PLEKHM3: variants seen among roughly 807,000 people sequenced by gnomAD.
PLEKHM3 encodes pleckstrin homology domain containing M3.
In PLEKHM3, 45 loss-of-function variants were observed where a neutral mutation model predicts 81.8. That is an observed-to-expected ratio of 0.55 (90% CI 0.43 to 0.71). The LOEUF (loss-of-function observed/expected upper bound fraction) is 0.71. Ranked by LOEUF, PLEKHM3 falls within the 30% of genes least tolerant of loss-of-function variation. PLEKHM3 has a pLI of 0.00. For synonymous variants in PLEKHM3, 352 were observed against 356.4 expected, an observed-to-expected ratio of 0.99 and a Z score of 0.14; for missense variants, 788 against 924.3, an observed-to-expected ratio of 0.85 and a Z score of 1.91.
At chr2:207,849,862 A>G (rs183148981) in intron 7 of PLEKHM3, among the ~76,000 whole-genome samples, 16 of 152,356 alleles carry the variant, frequency 1.1e-4, no homozygotes, top group Admixed American at 6.5e-4. Flanking sequence ...AACAGTAAGT[A>G]TTTATGTAAC....
intron 6 of PLEKHM3, among the ~76,000 whole-genome samples, chr2:207,875,109 AT>A (rs1179670632): frequency 1.3e-5 from 2 of 152,050 alleles, no homozygotes; most frequent in Non-Finnish European, 2.9e-5. Context: ...TCAATATAAA[AT>A]ATCATTTAAA....
chr2:207,882,805 C>G (rs1240972863), intron 6 of PLEKHM3, among the ~76,000 whole-genome samples: 1 of 152,076 alleles, frequency 6.6e-6, no homozygotes, highest in Non-Finnish European at 1.5e-5. Context: ...CATTCTCAGC[C>G]AGTAATTACA....
chr2:207,966,763 C>T (rs1342832378), intron 3 of PLEKHM3, among the ~76,000 whole-genome samples: 1 of 151,994 alleles, frequency 6.6e-6, no homozygotes, highest in Non-Finnish European at 1.5e-5. Context: ...CCATGTTGGC[C>T]GGGCTGGTCT....
At chr2:207,928,375 AG>A (rs1689476842) in intron 5 of PLEKHM3, among the ~76,000 whole-genome samples, 1 of 152,262 alleles carries the variant, frequency 6.6e-6, no homozygotes, top group South Asian at 2.1e-4. Flanking sequence ...GCAGGAAAAG[AG>A]GATTAATTCT....
chr2:207,836,948 G>A (rs2092322550), intron 7 of PLEKHM3, among the ~76,000 whole-genome samples: 1 of 152,212 alleles, frequency 6.6e-6, no homozygotes, highest in African/African-American at 2.4e-5. Context: ...ATGGGGTGGG[G>A]CTCAGAAATA....
At position 207,846,069 on chromosome 2, in the gene PLEKHM3, G is replaced by A. The variant is rs148504776; in HGVS notation, c.2108+15036C>T. ...CCTGGTATGAAGGTCCAGCAGAGTG[G>A]TGGCTTGTCAAAGGTCACACAAATT... On this transcript the variant is annotated intron_variant, in intron 7 of 7. Transcript: ENST00000427836. Among the ~76,000 whole-genome samples the A allele has an allele frequency of 5.6e-4, 85 of 152,340 alleles. 1 individual carries two copies. Among genetic ancestry groups the A allele is most frequent in the African/African-American group, 1.6e-3 (68 of 41,576 alleles).
At chr2:208,008,639 A>T (rs993684714) in intron 1 of PLEKHM3, among the ~76,000 whole-genome samples, 6 of 152,140 alleles carry the variant, frequency 3.9e-5, no homozygotes, top group Non-Finnish European at 8.8e-5. Flanking sequence ...CCTCCTTGTT[A>T]CACAGCCATT....
intron 5 of PLEKHM3, among the ~76,000 whole-genome samples, chr2:207,924,663 T>C (rs1378495631): frequency 6.6e-6 from 1 of 151,966 alleles, no homozygotes. Flanking sequence ...CCAACCTGGG[T>C]GACAGAGAGA....
At chr2:207,849,190 C>T (rs1330178797) in intron 7 of PLEKHM3, among the ~76,000 whole-genome samples, 2 of 151,998 alleles carry the variant, frequency 1.3e-5, no homozygotes, top group African/African-American at 4.8e-5. Flanking sequence ...AAAAACTAGC[C>T]GGGCATGGTG....
intron 6 of PLEKHM3, among the ~76,000 whole-genome samples, chr2:207,878,346 C>T (rs1466041743): frequency 3.3e-5 from 5 of 152,094 alleles, no homozygotes; most frequent in East Asian, 1.9e-4. Context: ...CAGTGGTTCA[C>T]GCCTGTAATC....
At chr2:207,960,678 T>G (rs1393782074) in intron 3 of PLEKHM3, among the ~76,000 whole-genome samples, 2 of 152,188 alleles carry the variant, frequency 1.3e-5, no homozygotes, top group African/African-American at 2.4e-5. Context: ...GGCACTCAGA[T>G]GCATGTTGGT....
intron 6 of PLEKHM3, among the ~76,000 whole-genome samples, chr2:207,898,095 T>C (rs73983628): frequency 0.021 from 3,170 of 152,268 alleles, 104 homozygotes; most frequent in African/African-American, 0.072. Context: ...AATCTAACAC[T>C]AACCTCCAAA....
chr2:207,957,119 A>G (rs1446640522), intron 3 of PLEKHM3, among the ~76,000 whole-genome samples: 1 of 152,194 alleles, frequency 6.6e-6, no homozygotes, highest in Non-Finnish European at 1.5e-5. Context: ...AAATCCATCA[A>G]TTAGAAGGAG....
rs1691667240 is a variant in PLEKHM3 at position 207,984,979 on chromosome 2, T to C, written c.611-7393A>G. The stretch of plus-strand genomic sequence containing the variant: ...TTTTGGTTCTTGGTGGCTTTTTGGT[T>C]TTGTTTCTGTTTTGTTTTTGTAAGA... On this transcript the variant is annotated intron_variant, in intron 2 of 7. Transcript: ENST00000427836. 1.3e-5 allele frequency among the ~76,000 whole-genome samples: 2 copies of C among 152,128 alleles called. 1 individual carries two copies. The highest frequency in any genetic ancestry group is 2.9e-5 in the Non-Finnish European group (2 of 68,026).
chr2:207,870,713 G>T (rs187146035), intron 6 of PLEKHM3, among the ~76,000 whole-genome samples: 66 of 152,326 alleles, frequency 4.3e-4, no homozygotes, highest in Non-Finnish European at 9.3e-4. Context: ...ACAGCCTGTG[G>T]ATTCTGCTCA....
chr2:207,962,964 AT>A (rs1397258070), intron 3 of PLEKHM3, among the ~76,000 whole-genome samples: 2 of 151,470 alleles, frequency 1.3e-5, no homozygotes, highest in African/African-American at 4.9e-5. Context: ...AACTTGCAAG[AT>A]TATAATTGGT....
chr2:207,908,728 A>G, intron 5 of PLEKHM3, 151 bp from the exon 6 acceptor site: 2 of 630,282 alleles, frequency 3.2e-6, no homozygotes, highest in South Asian at 4.5e-5. Context: ...AACCTGTAAT[A>G]TCTTTTTCTC....
chr2:207,826,423 C>T lies in PLEKHM3; in HGVS notation c.*1896G>A, dbSNP rs2092251787. The T allele has an allele frequency of 6.6e-6, 1 of 152,160 alleles. No individual in the cohort carries two copies. Among genetic ancestry groups the T allele is most frequent in the African/African-American group, 2.4e-5 (1 of 41,410 alleles). The allele number at this position is 152,160 out of a possible 1,614,324, so 9.4% of individuals were successfully genotyped here. On this transcript the variant is annotated 3_prime_UTR_variant, in exon 8 of 8. Coordinates refer to ENST00000427836, the MANE Select transcript of PLEKHM3 (RefSeq NM_001080475.3). ...CTAGAGTGGGGGAAAAGTCAACCTG[C>T]TTTTCTAAGGGTAAAAGGCACCGTC... is the stretch of plus-strand genomic sequence containing the variant.
In PLEKHM3 at chr2:207,950,834, C is replaced by A. The variant is rs144523456; in HGVS notation, c.1547-4322G>T. The stretch of plus-strand genomic sequence containing the variant: ...TGGCTATGTAGAAACAACCTGACTT[C>A]ATTTTACCAGTGTTTTTCCAGAGCA... On this transcript the variant is annotated intron_variant, in intron 3 of 7. Coordinates refer to ENST00000427836, the MANE Select transcript of PLEKHM3 (RefSeq NM_001080475.3). 2.8e-3 allele frequency among the ~76,000 whole-genome samples: 420 copies of A among 152,300 alleles called. 6 individuals are homozygous for A. Among genetic ancestry groups the A allele is most frequent in the African/African-American group, 9.5e-3 (393 of 41,564 alleles).
Sources: gnomAD v4.1 joint callset for allele counts (sites outside exome capture counted in the v4.1 genomes callset) on GRCh38, gnomAD v4.1.1 for gene constraint, MANE v1.5 for transcripts, NCBI Gene and HGNC (gene_info 2026-07-23, HGNC 2026-07-21) for gene names.